ARIH1: variants seen among roughly 807,000 people sequenced by gnomAD.
ARIH1 encodes E3 ubiquitin-protein ligase ARIH1.
ARIH1 carries 8 observed loss-of-function variants against 85.0 expected under a neutral mutation model. The ratio of observed to expected loss-of-function variants is 0.09; its 90% CI spans 0.06 to 0.17. The LOEUF is 0.17. Among genes scored for constraint, ARIH1 ranks in the 10% least tolerant of loss-of-function variants. ARIH1 has a pLI of 1.00. For missense variants in ARIH1, 311 were observed against 718.1 expected (o/e 0.43, Z 6.48); for synonymous variants, 238 against 253.6 (o/e 0.94, Z 0.59).
intron 1 of ARIH1, among the ~76,000 whole-genome samples, chr15:72,487,763 G>A (rs1015994367): frequency 1.3e-5 from 2 of 152,036 alleles, no homozygotes; most frequent in African/African-American, 4.8e-5. Flanking sequence ...GGCTTCCAGT[G>A]TATCATTCTG....
rs2064354362 is a variant in ARIH1, at chr15:72,594,320, CCA to C, written c.*11029_*11030del. ...GAGTAGCTGGGATTATAGGCACACACCATCATGCCTGGCTAATTTTTGTATTT... is the reference window on the plus strand; with the variant it reads ...GAGTAGCTGGGATTATAGGCACACACTCATGCCTGGCTAATTTTTGTATTT... On this transcript the variant is annotated 3_prime_UTR_variant, in exon 14 of 14. Transcript: ENST00000379887. The C allele has an allele frequency of 1.3e-5, 2 of 152,146 alleles. No homozygotes were observed. The highest frequency in any genetic ancestry group is 2.9e-5 in the Non-Finnish European group (2 of 68,022). 9.4% of individuals were successfully genotyped at this position (152,146 alleles called of 1,614,324 possible).
intron 1 of ARIH1, among the ~76,000 whole-genome samples, chr15:72,492,932 C>G (rs1298264708): frequency 1.5e-4 from 23 of 152,128 alleles, no homozygotes; most frequent in Admixed American, 1.5e-3. Flanking sequence ...TTGATTCATA[C>G]CACTGTCAAC....
intron 2 of ARIH1, among the ~76,000 whole-genome samples, chr15:72,538,726 A>G (rs933543715): frequency 6.6e-6 from 1 of 152,218 alleles, no homozygotes; most frequent in Non-Finnish European, 1.5e-5. Context: ...ATGAAAAATT[A>G]AGATTCAAAT....
rs1335541838 is a variant in ARIH1 at position 72,519,208 on chromosome 15, TG to T, written c.443+1076del. Among the ~76,000 whole-genome samples, 13 of 152,240 alleles carry T rather than the reference TG, an allele frequency of 8.5e-5. No individual in the cohort carries two copies. In the East Asian group the frequency reaches 2.3e-3, roughly 27 times the overall value. ...ACAACCCATATATTATAGAAATAAA[TG>T]GAAAGTATTTCCCATTTGATTTTAA... On this transcript the variant is annotated intron_variant, in intron 2 of 13. Coordinates refer to ENST00000379887, the MANE Select transcript of ARIH1 (RefSeq NM_005744.5).
chr15:72,538,115 G>A (rs2064090907), intron 2 of ARIH1, among the ~76,000 whole-genome samples: 1 of 152,164 alleles, frequency 6.6e-6, no homozygotes, highest in African/African-American at 2.4e-5. Flanking sequence ...TGTAATCCCA[G>A]CACTTTGGGA....
At chr15:72,506,190 A>G (rs2063923933) in intron 1 of ARIH1, among the ~76,000 whole-genome samples, 1 of 151,984 alleles carries the variant, frequency 6.6e-6, no homozygotes. Flanking sequence ...CTACTAAAAA[A>G]TACAAAAATA....
intron 9 of ARIH1, among the ~76,000 whole-genome samples, chr15:72,568,841 A>G (rs2064231875): frequency 6.6e-6 from 1 of 152,202 alleles, no homozygotes; most frequent in Non-Finnish European, 1.5e-5. Context: ...GGCCTATTTT[A>G]AATTGCTATC....
chr15:72,567,091 G>A lies in ARIH1; in HGVS notation c.955-15G>A. The stretch of plus-strand genomic sequence containing the variant: ...AGTCTTTTGTTGTATCCTAACCGTT[G>A]TTATTTTCAAACAGTGGTTAAAGAA... On this transcript the variant is annotated splice_polypyrimidine_tract_variant and intron_variant, in intron 8 of 13. Transcript: ENST00000379887. 1 of 1,598,052 alleles carries A rather than the reference G, an allele frequency of 6.3e-7. No individual in the cohort carries two copies. The highest frequency in any genetic ancestry group is 1.3e-5 in the African/African-American group (1 of 74,198).
chr15:72,589,024 T>C lies in ARIH1; in HGVS notation c.*5732T>C, dbSNP rs1248309482. The C allele has an allele frequency of 6.6e-6, 1 of 152,176 alleles. No individual in the cohort carries two copies. The highest frequency in any genetic ancestry group is 1.5e-5 in the Non-Finnish European group (1 of 68,038). 9.4% of individuals were successfully genotyped at this position (152,176 alleles called of 1,614,324 possible). ...TATTTTTATTTCAAGTGTGGTATAG[T>C]AGTAAGAATATTGGTATTTCTCAGC... On this transcript the variant is annotated 3_prime_UTR_variant, in exon 14 of 14. Coordinates refer to ENST00000379887, the MANE Select transcript of ARIH1 (RefSeq NM_005744.5).
At chr15:72,494,332 C>T (rs1340171835) in intron 1 of ARIH1, among the ~76,000 whole-genome samples, 1 of 152,144 alleles carries the variant, frequency 6.6e-6, no homozygotes, top group East Asian at 1.9e-4. Context: ...ATTTAATGCT[C>T]TTCTCTGGGA....
chr15:72,519,717 C>G (rs988670334), intron 2 of ARIH1, among the ~76,000 whole-genome samples: 5 of 152,030 alleles, frequency 3.3e-5, no homozygotes, highest in Non-Finnish European at 5.9e-5. Context: ...CTCCCAACCT[C>G]AGGTGATCTG....
chr15:72,583,191 T>C lies in ARIH1; in HGVS notation c.1590-17T>C, dbSNP rs2064301508. On this transcript the variant is annotated splice_polypyrimidine_tract_variant and intron_variant, in intron 13 of 13. Transcript: ENST00000379887. ...GAGGCTGACAACAAGTTTTTTTTTT[T>C]TTCTCTTTGATTACAGATACTGTGA... The C allele has an allele frequency of 1.3e-6, 2 of 1,586,410 alleles. No individual in the cohort carries two copies. The highest frequency in any genetic ancestry group is 4.5e-5 in the East Asian group (2 of 44,754).
At chr15:72,568,036 T>C (rs191208627) in intron 9 of ARIH1, among the ~76,000 whole-genome samples, 224 of 152,352 alleles carry the variant, frequency 1.5e-3, no homozygotes, top group African/African-American at 5.1e-3. Flanking sequence ...TACATACTTA[T>C]ATATAAAACA....
chr15:72,582,880 G>T lies in ARIH1; in HGVS notation c.1590-328G>T, dbSNP rs1567362262. ...CAGAGATTTTAAGGACGTGAATAAA[G>T]AACCCATGAAATTATTTCTGAACCT... On this transcript the variant is annotated intron_variant, in intron 13 of 13. Coordinates refer to ENST00000379887, the MANE Select transcript of ARIH1 (RefSeq NM_005744.5). The surrounding 1 kb of genome is among the most constrained non-coding windows in gnomAD (Gnocchi z 4.6). Among the ~76,000 whole-genome samples the T allele has an allele frequency of 6.6e-6, 1 of 152,122 alleles. No homozygotes were observed. The highest frequency in any genetic ancestry group is 1.5e-5 in the Non-Finnish European group (1 of 68,018).
At chr15:72,528,714 G>C (rs1384184098) in intron 2 of ARIH1, among the ~76,000 whole-genome samples, 4 of 152,206 alleles carry the variant, frequency 2.6e-5, no homozygotes. Context: ...AATTAGCTAG[G>C]TGTGGTGATG....
rs1421481428 is a variant in ARIH1, at chr15:72,602,462, T to A, written c.*19170T>A. On this transcript the variant is annotated 3_prime_UTR_variant, in exon 14 of 14. Transcript: ENST00000379887. ...GAATTGTTCATAAACTTTGCTTACT[T>A]ATTATCTAATGTCTGACTAATTTGC... is the stretch of plus-strand genomic sequence containing the variant. The A allele has an allele frequency of 6.6e-6, 1 of 152,260 alleles. No homozygotes were observed. The highest frequency in any genetic ancestry group is 1.9e-4 in the East Asian group (1 of 5,206). The allele number at this position is 152,260 out of a possible 1,614,324, so 9.4% of individuals were successfully genotyped here. A position where few individuals can be genotyped will look rare whatever the true frequency, so the allele number is the denominator to read the frequency against.
chr15:72,536,533 G>T (rs2064082814), intron 2 of ARIH1, among the ~76,000 whole-genome samples: 1 of 152,118 alleles, frequency 6.6e-6, no homozygotes, highest in South Asian at 2.1e-4. Flanking sequence ...TGAATGGGGG[G>T]GATGTAAGAG....
At chr15:72,499,293 T>C (rs1244790008) in intron 1 of ARIH1, among the ~76,000 whole-genome samples, 2 of 152,220 alleles carry the variant, frequency 1.3e-5, no homozygotes. Context: ...GTATAATTAT[T>C]GTAGCTCTTT....
At chr15:72,546,748 G>C (rs898563227) in intron 3 of ARIH1, among the ~76,000 whole-genome samples, 8 of 151,594 alleles carry the variant, frequency 5.3e-5, no homozygotes, top group Admixed American at 4.6e-4. Flanking sequence ...TGTTTTGTTT[G>C]TTTGTTTGTT....
Sources: gnomAD v4.1 joint callset for allele counts (sites outside exome capture counted in the v4.1 genomes callset) on GRCh38, gnomAD v4.1.1 for gene constraint, Gnocchi (gnomAD v3.1) non-coding constraint, MANE v1.5 for transcripts, NCBI Gene and HGNC (gene_info 2026-07-23, HGNC 2026-07-21) for gene names.